Variants in COL27A1 observed in about 807,000 individuals in gnomAD.
COL27A1 encodes the protein collagen type XXVII alpha 1 chain.
In COL27A1, 106 loss-of-function variants were observed where a neutral mutation model predicts 251.3. The ratio of observed to expected loss-of-function variants is 0.42; its 90% CI spans 0.36 to 0.50. COL27A1 has a LOEUF of 0.50. COL27A1 is among the 20% of genes least tolerant of loss of function. The pLI is 0.00. For missense variants in COL27A1, 2,325 were observed against 2,522.8 expected (o/e 0.92, Z 1.68); for synonymous variants, 1,000 against 986.3 (o/e 1.01, Z -0.26).
At position 114,222,213 on chromosome 9, in the gene COL27A1, C is replaced by A. The variant is rs1831160860; in HGVS notation, c.2422-10C>A. On this transcript the variant is annotated splice_polypyrimidine_tract_variant and intron_variant, in intron 13 of 60. Transcript: ENST00000356083. The stretch of plus-strand genomic sequence containing the variant: ...GACAAGTAACCACCTTGGTCTCTCT[C>A]TATCTGCAGGGAGAACTGGGCCTGC... 5.6e-6 allele frequency: 9 copies of A among 1,613,542 alleles called. No homozygotes were observed. In the East Asian group the frequency reaches 2.0e-4, roughly 36 times the overall value.
chr9:114,227,183 C>T (rs1170884617), intron 14 of COL27A1, among the ~76,000 whole-genome samples: 1 of 152,146 alleles, frequency 6.6e-6, no homozygotes, highest in Non-Finnish European at 1.5e-5. Context: ...CCAGCCGTTC[C>T]CCACATTAGC....
chr9:114,235,900 AGTT>A (rs1206346049), intron 17 of COL27A1, among the ~76,000 whole-genome samples: 5 of 152,078 alleles, frequency 3.3e-5, no homozygotes, highest in African/African-American at 9.6e-5. Flanking sequence ...ACTGCTACCC[AGTT>A]GTTCTTCTGA....
chr9:114,306,488 A>C (rs770681491), intron 57 of COL27A1, 32 bp from the exon 58 acceptor site: 2 of 1,610,912 alleles, frequency 1.2e-6, no homozygotes, highest in Non-Finnish European at 1.7e-6. Flanking sequence ...CAGGACCCTA[A>C]GGTCCCAATG....
intron 4 of COL27A1, among the ~76,000 whole-genome samples, chr9:114,181,958 G>C (rs1199919491): frequency 2.0e-5 from 3 of 152,100 alleles, no homozygotes; most frequent in Non-Finnish European, 2.9e-5. Context: ...GTCTGATCAC[G>C]TGTTGTAGCC....
At chr9:114,181,184 G>T (rs867894448) in intron 4 of COL27A1, among the ~76,000 whole-genome samples, 16 of 152,152 alleles carry the variant, frequency 1.1e-4, no homozygotes, top group African/African-American at 3.9e-4. Flanking sequence ...GGATTATGAG[G>T]TGGGGCTCAG....
chr9:114,297,188 AAATAG>A (rs1828313441), intron 49 of COL27A1, among the ~76,000 whole-genome samples: 1 of 152,222 alleles, frequency 6.6e-6, no homozygotes, highest in South Asian at 2.1e-4. Context: ...TATACAATTT[AAATAG>A]TATAGTTATT....
In COL27A1 at chr9:114,168,115, G is replaced by A. The variant is rs780973166; in HGVS notation, c.560G>A (p.Arg187Lys). The part of the protein sequence containing the change: ...RRVPVLLPFH[R>K]DPALDPGGSF... ...GTGCCTGTCCTGCTGCCTTTCCACA[G>A]GGACCCTGCACTCGACCCTGGGGGC... The change falls in exon 3 of 61, where the codon AGG becomes AAG. Residue 187 changes from arginine (R) to lysine (K), a missense_variant. This residue lies in a region of COL27A1 where 1,183 missense variants were observed against 1,144.1 expected (regional missense o/e 1.03). Transcript: ENST00000356083. The A allele has an allele frequency of 1.9e-6, 3 of 1,612,406 alleles. No individual in the cohort carries two copies. Among genetic ancestry groups the A allele is most frequent in the Admixed American group, 3.3e-5 (2 of 60,010 alleles).
chr9:114,234,623 C>G (rs1168531755), intron 16 of COL27A1, among the ~76,000 whole-genome samples: 1 of 152,154 alleles, frequency 6.6e-6, no homozygotes, highest in East Asian at 1.9e-4. Flanking sequence ...CAGAAGAGGC[C>G]TCCAGCAGCC....
intron 1 of COL27A1, among the ~76,000 whole-genome samples, chr9:114,157,087 C>CACAA (rs1342106467): frequency 7.9e-6 from 1 of 125,902 alleles, no homozygotes; most frequent in African/African-American, 2.7e-5. Context: ...CACACACACA[C>CACAA]ACACACACAC....
chr9:114,241,376 G>A (rs755146737), intron 21 of COL27A1, among the ~76,000 whole-genome samples: 1 of 152,262 alleles, frequency 6.6e-6, no homozygotes, highest in African/African-American at 2.4e-5. Flanking sequence ...TCCCAGCACT[G>A]GCTCTGGGAG....
chr9:114,251,381 T>A (rs1445088399), intron 25 of COL27A1, among the ~76,000 whole-genome samples: 2 of 152,084 alleles, frequency 1.3e-5, no homozygotes, highest in African/African-American at 4.8e-5. Context: ...TATCACTCTA[T>A]GTGGCCCAGA....
rs117608200 is a variant in COL27A1 at position 114,214,334 on chromosome 9, T to C, written c.2367+3308T>C. On this transcript the variant is annotated intron_variant, in intron 12 of 60. Coordinates refer to ENST00000356083, the MANE Select transcript of COL27A1 (RefSeq NM_032888.4). ...GTGACAGGGGAATGAGCTGAATTCC[T>C]TCATGCCAGATTGCAGCTGGCGTCA... 9.6e-4 allele frequency among the ~76,000 whole-genome samples: 146 copies of C among 152,332 alleles called. 4 individuals are homozygous for C. In the East Asian group the frequency reaches 0.025, roughly 26 times the overall value.
At chr9:114,291,106 C>G (rs918137837) in intron 48 of COL27A1, among the ~76,000 whole-genome samples, 189 bp downstream of exon 48, 3 of 152,186 alleles carry the variant, frequency 2.0e-5, no homozygotes, top group Non-Finnish European at 4.4e-5. Context: ...GATAGTTCAT[C>G]TGGGGAGCTG....
At chr9:114,282,204 C>A in intron 37 of COL27A1, 73 bp from the exon 38 acceptor site, 1 of 1,411,612 alleles carries the variant, frequency 7.1e-7, no homozygotes, top group Non-Finnish European at 1.0e-6. Flanking sequence ...GACAGTCTGA[C>A]CGCCTTGCGG....
At chr9:114,302,573 T>C (rs181663925) in intron 56 of COL27A1, among the ~76,000 whole-genome samples, 347 of 152,114 alleles carry the variant, frequency 2.3e-3, no homozygotes, top group South Asian at 4.2e-3. Context: ...CTAAAAATAC[T>C]TAAGTAGTTG....
chr9:114,288,317 C>T (rs570354095), intron 41 of COL27A1, 138 bp from the exon 42 acceptor site: 14 of 884,324 alleles, frequency 1.6e-5, no homozygotes, highest in South Asian at 1.6e-4. Context: ...CACACCTACC[C>T]TTCCCTCTCT....
chr9:114,294,247 C>CAAAA (rs58536000), intron 49 of COL27A1, among the ~76,000 whole-genome samples: 72 of 84,026 alleles, frequency 8.6e-4, no homozygotes, highest in African/African-American at 1.1e-3. Flanking sequence ...GACTCTGTCT[C>CAAAA]AAAAAAAAAA....
chr9:114,310,751 G>A lies in COL27A1; in HGVS notation c.*56G>A. 6.3e-7 allele frequency: 1 copy of A among 1,599,976 alleles called. No individual in the cohort carries two copies. The highest frequency in any genetic ancestry group is 1.1e-5 in the South Asian group (1 of 90,402). ...CGGAGGAGGGAAGAGGAAGAGGCAA[G>A]GGGAGGGTACTGAGGGGCAGATGGC... On this transcript the variant is annotated 3_prime_UTR_variant, in exon 61 of 61. Transcript: ENST00000356083.
chr9:114,295,478 A>G (rs534422206), intron 49 of COL27A1, among the ~76,000 whole-genome samples: 2 of 152,346 alleles, frequency 1.3e-5, no homozygotes, highest in Admixed American at 1.3e-4. Flanking sequence ...TAGAATAACT[A>G]AAACAACATT....
Sources: allele counts gnomAD v4.1 joint callset (sites outside exome capture counted in the v4.1 genomes callset), GRCh38; gene constraint gnomAD v4.1.1; regional missense constraint gnomAD v4.1.1; transcripts MANE v1.5; gene names NCBI Gene and HGNC (gene_info 2026-07-23, HGNC 2026-07-21).